The following RALGAPA1 variants were observed in gnomAD, a reference collection of about 807,000 sequenced individuals.
RALGAPA1 encodes the protein Ral GTPase activating protein catalytic subunit alpha 1.
RALGAPA1 carries 52 observed loss-of-function variants against 269.6 expected under a neutral mutation model. The observed-to-expected ratio is 0.19, with a 90% CI of 0.15 to 0.24. RALGAPA1 has a LOEUF of 0.24. RALGAPA1 is among the 10% of genes least tolerant of loss of function. RALGAPA1 has a pLI of 1.00. For synonymous variants in RALGAPA1, 817 were observed against 1,008.3 expected (o/e 0.81, Z 3.60); for missense variants, 1,917 against 3,013.9 (o/e 0.64, Z 8.52).
chr14:35,717,194 A>G (rs1447662220), intron 16 of RALGAPA1, among the ~76,000 whole-genome samples: 1 of 152,200 alleles, frequency 6.6e-6, no homozygotes, highest in Non-Finnish European at 1.5e-5. Flanking sequence ...CTTGTTGCCC[A>G]AGCTGGAGTG....
intron 37 of RALGAPA1, among the ~76,000 whole-genome samples, chr14:35,579,202 T>G (rs965725598): frequency 6.6e-6 from 1 of 152,158 alleles, no homozygotes; most frequent in African/African-American, 2.4e-5. Context: ...TGAATGAGTT[T>G]GACATGTTGG....
At chr14:35,775,545 G>GTGA (rs1487324582) in intron 2 of RALGAPA1, 90 bp downstream of exon 2, 1 of 1,441,026 alleles carries the variant, frequency 6.9e-7, no homozygotes, top group African/African-American at 1.5e-5. Flanking sequence ...ACAAAAATAA[G>GTGA]TGAAACAATA....
intron 16 of RALGAPA1, among the ~76,000 whole-genome samples, chr14:35,713,200 TGTA>T (rs2068510776): frequency 6.6e-6 from 1 of 152,180 alleles, no homozygotes. Context: ...GCAATGTAGA[TGTA>T]GTGGTGTACT....
At chr14:35,599,178 C>T (rs2059118997) in intron 36 of RALGAPA1, among the ~76,000 whole-genome samples, 1 of 152,130 alleles carries the variant, frequency 6.6e-6, no homozygotes, top group East Asian at 1.9e-4. Flanking sequence ...ACACATTAGA[C>T]AGTGTTATAA....
At chr14:35,716,390 T>C (rs1433516376) in intron 16 of RALGAPA1, among the ~76,000 whole-genome samples, 1 of 104,094 alleles carries the variant, frequency 9.6e-6, no homozygotes, top group Admixed American at 1.4e-4. Context: ...AGAGTGAGAC[T>C]CCGTCTCAAA....
chr14:35,808,410 CAT>C (rs1291088514), intron 1 of RALGAPA1, among the ~76,000 whole-genome samples: 1 of 152,202 alleles, frequency 6.6e-6, no homozygotes, highest in East Asian at 1.9e-4. Flanking sequence ...ATCTGGCAAA[CAT>C]ATCCTATAAA....
intron 1 of RALGAPA1, among the ~76,000 whole-genome samples, chr14:35,790,352 T>C (rs958072322): frequency 6.6e-6 from 1 of 151,978 alleles, no homozygotes. Flanking sequence ...ACAATGATAT[T>C]GGAATGGTGG....
intron 1 of RALGAPA1, among the ~76,000 whole-genome samples, chr14:35,790,945 T>G (rs1254095031): frequency 6.6e-6 from 1 of 152,184 alleles, no homozygotes; most frequent in African/African-American, 2.4e-5. Flanking sequence ...TTTCATTATC[T>G]ATTAAAAGTC....
At chr14:35,696,757 T>C (rs1209891292) in intron 17 of RALGAPA1, among the ~76,000 whole-genome samples, 1 of 152,192 alleles carries the variant, frequency 6.6e-6, no homozygotes, top group East Asian at 1.9e-4. Context: ...TTTGGTGAAG[T>C]AGTTGAAGAA....
rs982173417 is a variant in RALGAPA1, at chr14:35,659,257, A to G, written c.5329-61T>C. ...GAGATTTCACTCATTCATTCTACAAATATTTATTAAGTGGTTATTAAAGCA... is the reference window on the plus strand; with the variant it reads ...GAGATTTCACTCATTCATTCTACAAGTATTTATTAAGTGGTTATTAAAGCA... On this transcript the variant is annotated intron_variant, in intron 27 of 41. Transcript: ENST00000680220. The G allele has an allele frequency of 3.1e-6, 4 of 1,272,868 alleles. No individual in the cohort carries two copies. The African/African-American group carries it at 4.4e-5, about 14-fold the overall frequency. 78.8% of individuals were successfully genotyped at this position (1,272,868 alleles called of 1,614,324 possible).
intron 37 of RALGAPA1, among the ~76,000 whole-genome samples, chr14:35,579,043 C>G (rs530676739): frequency 3.9e-4 from 59 of 152,198 alleles, no homozygotes; most frequent in African/African-American, 1.4e-3. Flanking sequence ...TAGAAAGGGG[C>G]TTATTTAGCT....
At chr14:35,732,236 G>A (rs2070554470) in intron 12 of RALGAPA1, among the ~76,000 whole-genome samples, 1 of 152,004 alleles carries the variant, frequency 6.6e-6, no homozygotes, top group African/African-American at 2.4e-5. Context: ...GCTAAAAGGT[G>A]CTTTAAATCT....
At chr14:35,591,040 A>G (rs899508617) in intron 37 of RALGAPA1, among the ~76,000 whole-genome samples, 8 of 152,188 alleles carry the variant, frequency 5.3e-5, no homozygotes, top group Non-Finnish European at 1.0e-4. Flanking sequence ...TTCTCACAAA[A>G]CCAAATATGA....
At chr14:35,758,315 C>G (rs1181500291) in intron 6 of RALGAPA1, among the ~76,000 whole-genome samples, 1 of 149,604 alleles carries the variant, frequency 6.7e-6, no homozygotes, top group African/African-American at 2.5e-5. Context: ...ATCATCTGTA[C>G]TCTGGACTTC....
chr14:35,557,092 ATATG>A (rs1208157757), intron 39 of RALGAPA1, among the ~76,000 whole-genome samples: 3 of 111,678 alleles, frequency 2.7e-5, no homozygotes, highest in East Asian at 2.8e-4. Flanking sequence ...TGATTATCCA[ATATG>A]TATGTGTGTG....
chr14:35,664,580 T>C (rs755651192), intron 27 of RALGAPA1, 62 bp downstream of exon 27: 1 of 1,292,890 alleles, frequency 7.7e-7, no homozygotes, highest in Non-Finnish European at 1.1e-6. Context: ...ACAAATTTTA[T>C]TGCATATACT....
chr14:35,572,651 C>T lies in RALGAPA1; in HGVS notation c.7277G>A (p.Gly2426Glu), dbSNP rs2057296362. The T allele has an allele frequency of 6.2e-7, 1 of 1,610,298 alleles. No individual in the cohort carries two copies. The highest frequency in any genetic ancestry group is 8.5e-7 in the Non-Finnish European group (1 of 1,177,472). Residue 2426 changes from glycine to glutamate, a missense_variant, in exon 38 of 42, where the codon GGA (glycine) becomes GAA (glutamate). Coordinates refer to ENST00000680220, the MANE Select transcript of RALGAPA1 (RefSeq NM_001346249.2). ...ATCACCAAATTCTGTGGGAATAATT[C>T]CTCTCCTGTAGTCTCTAGTATGCTC... The part of the protein sequence containing the change: ...WSEHTRDYRR[G>E]IIPTEFGDVL...
At chr14:35,646,664 C>T (rs2062456062) in intron 31 of RALGAPA1, among the ~76,000 whole-genome samples, 1 of 152,056 alleles carries the variant, frequency 6.6e-6, no homozygotes, top group Non-Finnish European at 1.5e-5. Context: ...ATTTCTTTTG[C>T]CCTACAGGAT....
At chr14:35,686,170 G>A (rs10138107) in intron 19 of RALGAPA1, among the ~76,000 whole-genome samples, 13,544 of 150,482 alleles carry the variant, frequency 0.09, 974 homozygotes, top group East Asian at 0.37. Flanking sequence ...ATATAACTAC[G>A]GGAGCTGGGG....
Sources: gnomAD v4.1 joint callset for allele counts (sites outside exome capture counted in the v4.1 genomes callset) on GRCh38, gnomAD v4.1.1 for gene constraint, MANE v1.5 for transcripts, NCBI Gene and HGNC (gene_info 2026-07-23, HGNC 2026-07-21) for gene names.